C8A: variants seen among roughly 807,000 people sequenced by gnomAD.
C8A encodes the protein complement component C8 alpha chain.
Under a neutral mutation model 65.3 loss-of-function variants are expected in C8A, and 67 were observed. The observed-to-expected ratio is 1.03, with a 90% CI of 0.84 to 1.26. The LOEUF is 1.26. Among genes scored for constraint, C8A ranks in the 50% most tolerant of loss-of-function variants. The pLI is 0.00. For missense variants in C8A, 781 were observed against 723.9 expected (o/e 1.08, Z -0.90); for synonymous variants, 290 against 259.4 (o/e 1.12, Z -1.13).
chr1:56,916,316 G>T (rs1169552224), intron 10 of C8A, among the ~76,000 whole-genome samples: 1 of 152,220 alleles, frequency 6.6e-6, no homozygotes, highest in Non-Finnish European at 1.5e-5. Flanking sequence ...GACATCAGGT[G>T]GCCTTGGGGC....
intron 6 of C8A, among the ~76,000 whole-genome samples, chr1:56,884,611 C>T (rs866103454): frequency 3.3e-5 from 5 of 152,064 alleles, no homozygotes; most frequent in Admixed American, 1.3e-4. Flanking sequence ...TTATCTGTAG[C>T]GTGTTAATAT....
At chr1:56,879,285 G>T (rs1012105536) in intron 4 of C8A, among the ~76,000 whole-genome samples, 7 of 152,156 alleles carry the variant, frequency 4.6e-5, no homozygotes, top group Non-Finnish European at 8.8e-5. Flanking sequence ...TTACAAAAAT[G>T]CTGCAATGAA....
chr1:56,912,354 A>G, intron 9 of C8A, 49 bp from the exon 10 acceptor site: 1 of 1,566,878 alleles, frequency 6.4e-7, no homozygotes, highest in Non-Finnish European at 8.8e-7. Context: ...GGCTCTGGGA[A>G]GGTAGATAGA....
intron 2 of C8A, 98 bp from the exon 3 acceptor site, chr1:56,874,851 T>G: frequency 7.6e-7 from 1 of 1,323,066 alleles, no homozygotes; most frequent in South Asian, 1.2e-5. Context: ...AATCATTAGA[T>G]AATTATTTCT....
intron 4 of C8A, among the ~76,000 whole-genome samples, chr1:56,878,139 C>A (rs542006339): frequency 6.6e-6 from 1 of 152,114 alleles, no homozygotes; most frequent in Non-Finnish European, 1.5e-5. Context: ...GTTCTTCCCT[C>A]GTACATATCT....
intron 5 of C8A, 103 bp from the exon 6 acceptor site, chr1:56,883,378 C>G: frequency 9.8e-7 from 1 of 1,021,762 alleles, no homozygotes; most frequent in East Asian, 2.6e-5. Flanking sequence ...CTACCATAAT[C>G]TAAAATTTTA....
At chr1:56,910,863 C>T (rs577950079) in intron 9 of C8A, among the ~76,000 whole-genome samples, 19 of 152,160 alleles carry the variant, frequency 1.2e-4, no homozygotes, top group Non-Finnish European at 2.6e-4. Context: ...TGGCTCAGTC[C>T]TACTGCTGAC....
chr1:56,869,755 C>T (rs1644125354), intron 2 of C8A, among the ~76,000 whole-genome samples: 1 of 152,058 alleles, frequency 6.6e-6, no homozygotes, highest in Non-Finnish European at 1.5e-5. Flanking sequence ...TTGTGGAATG[C>T]CAGCTGTTTT....
At chr1:56,910,687 C>G (rs1403821451) in intron 9 of C8A, among the ~76,000 whole-genome samples, 1 of 152,230 alleles carries the variant, frequency 6.6e-6, no homozygotes, top group Non-Finnish European at 1.5e-5. Flanking sequence ...GGGGACCCTA[C>G]CAGTCCTGAT....
chr1:56,893,127 C>T (rs939908261), intron 7 of C8A, among the ~76,000 whole-genome samples: 10 of 152,020 alleles, frequency 6.6e-5, no homozygotes, highest in African/African-American at 2.4e-4. Flanking sequence ...TAGGCTCTAA[C>T]ATTCAGAAGC....
chr1:56,909,990 C>A (rs138584218), intron 9 of C8A, among the ~76,000 whole-genome samples: 1 of 152,176 alleles, frequency 6.6e-6, no homozygotes, highest in East Asian at 1.9e-4. Context: ...AAGCCACGGG[C>A]AGGCTTTATA....
At position 56,894,259 on chromosome 1, in the gene C8A, G is replaced by C. The variant is rs17114524; in HGVS notation, c.1096+8092G>C. Among the ~76,000 whole-genome samples, 1,358 of 152,164 alleles carry C rather than the reference G, an allele frequency of 8.9e-3. 20 individuals are homozygous for C. Among genetic ancestry groups the C allele is most frequent in the African/African-American group, 0.031 (1,284 of 41,518 alleles). ...GCCTGCAGTGTCTGGTATATTTGCT[G>C]TGGACTTGGAGCCTCAGCAATCATG... On this transcript the variant is annotated intron_variant, in intron 7 of 10. Coordinates refer to ENST00000361249, the MANE Select transcript of C8A (RefSeq NM_000562.3).
chr1:56,886,713 C>T (rs979308184), intron 7 of C8A, among the ~76,000 whole-genome samples: 11 of 152,200 alleles, frequency 7.2e-5, no homozygotes, highest in African/African-American at 1.9e-4. Flanking sequence ...GGGGTGGGCT[C>T]ACCTCTTCCA....
chr1:56,872,182 A>G (rs1025026810), intron 2 of C8A, among the ~76,000 whole-genome samples: 5 of 152,216 alleles, frequency 3.3e-5, no homozygotes, highest in Non-Finnish European at 5.9e-5. Context: ...ATACCTTTAC[A>G]ATTCACTCCC....
In C8A at chr1:56,876,111, T is replaced by G; in HGVS notation, c.366T>G (p.Leu122=). The part of the protein sequence containing the change: ...HLVCNGDQDC[L]DGSDEDDCED... ...TGTGTAATGGAGACCAGGACTGCCT[T>G]GATGGCTCTGATGAGGACGACTGTG... Residue 122 remains leucine (L), a synonymous_variant, in exon 4 of 11, where the codon CTT becomes CTG. Coordinates refer to ENST00000361249, the MANE Select transcript of C8A (RefSeq NM_000562.3). 4 of 1,613,802 alleles carry G rather than the reference T, an allele frequency of 2.5e-6. No homozygotes were observed. Among genetic ancestry groups the G allele is most frequent in the Non-Finnish European group, 3.4e-6 (4 of 1,179,858 alleles).
chr1:56,881,390 C>T (rs1644245923), intron 4 of C8A, 55 bp from the exon 5 acceptor site: 2 of 1,566,500 alleles, frequency 1.3e-6, no homozygotes, highest in African/African-American at 2.7e-5. Flanking sequence ...TCCCATCACC[C>T]AGGTATAAAA....
chr1:56,865,951 A>T (rs892671407), intron 1 of C8A, among the ~76,000 whole-genome samples: 12 of 152,240 alleles, frequency 7.9e-5, no homozygotes, highest in Non-Finnish European at 1.8e-4. Flanking sequence ...CACAAGATCC[A>T]TTCAAAGTAT....
Position 56,854,882 on chromosome 1 carries a change from T to TGCG in C8A, c.-18_-16dup. 6.2e-7 allele frequency: 1 copy of TGCG among 1,608,998 alleles called. No individual in the cohort carries two copies. The highest frequency in any genetic ancestry group is 8.5e-7 in the Non-Finnish European group (1 of 1,176,360). ...GCTTTATTCCTTCAAGGTAATATAG[T>TGCG]GCGGTGGCTTCTGGCTGAGATGTTT... On this transcript the variant is annotated 5_prime_UTR_variant, in exon 1 of 11. Transcript: ENST00000361249.
chr1:56,883,583 G>C lies in C8A; in HGVS notation c.757G>C (p.Gly253Arg), dbSNP rs141666945. 6.2e-7 allele frequency: 1 copy of C among 1,613,832 alleles called. No homozygotes were observed. Residue 253 changes from glycine (G) to arginine (R), a missense_variant, in exon 6 of 11, where the codon GGC becomes CGC. Physicochemically the swap from Gly to Arg is moderately radical, Grantham distance 125 (BLOSUM62 -2). Transcript: ENST00000361249. ...GTCTGACTCATTTGGAGTGACCATCGGCATAGGCCCAGCCGGCAGCCCTTT... is the reference window on the plus strand; with the variant it reads ...GTCTGACTCATTTGGAGTGACCATCCGCATAGGCCCAGCCGGCAGCCCTTT... ...DKSDSFGVTI[G>R]IGPAGSPLLV...
Sources: allele counts gnomAD v4.1 joint callset (sites outside exome capture counted in the v4.1 genomes callset), GRCh38; gene constraint gnomAD v4.1.1; transcripts MANE v1.5; gene names NCBI Gene and HGNC (gene_info 2026-07-23, HGNC 2026-07-21).